CCDC91: variants seen among roughly 807,000 people sequenced by gnomAD.
CCDC91 encodes coiled-coil domain containing 91.
Under a neutral mutation model 63.2 loss-of-function variants are expected in CCDC91, and 48 were observed. The observed-to-expected ratio is 0.76, with a 90% confidence interval of 0.60 to 0.97. CCDC91 has a LOEUF of 0.97. Ranked by LOEUF, CCDC91 falls within the 50% of genes least tolerant of loss-of-function variation. CCDC91 has a pLI of 0.00. For synonymous variants in CCDC91, 167 were observed against 165.8 expected (o/e 1.01, Z -0.06); for missense variants, 500 against 494.6 (o/e 1.01, Z -0.10).
chr12:28,480,222 T>G (rs1343293203), intron 11 of CCDC91, among the ~76,000 whole-genome samples: 2 of 152,006 alleles, frequency 1.3e-5, no homozygotes, highest in African/African-American at 2.4e-5. Context: ...TCAGTCTTCA[T>G]CTTCTTTCCA....
intron 8 of CCDC91, among the ~76,000 whole-genome samples, chr12:28,396,297 A>G (rs1208575117): frequency 6.6e-6 from 1 of 152,146 alleles, no homozygotes; most frequent in Non-Finnish European, 1.5e-5. Flanking sequence ...AAAAATGACT[A>G]TATTTCATAG....
chr12:28,260,337 T>C (rs550094230), intron 3 of CCDC91, among the ~76,000 whole-genome samples: 8 of 152,076 alleles, frequency 5.3e-5, no homozygotes, highest in Admixed American at 2.6e-4. Flanking sequence ...AGGGTGCATA[T>C]AATTTCAATA....
At chr12:28,427,271 G>A (rs973711118) in intron 8 of CCDC91, among the ~76,000 whole-genome samples, 1 of 152,078 alleles carries the variant, frequency 6.6e-6, no homozygotes, top group African/African-American at 2.4e-5. Flanking sequence ...TCTTGATAAT[G>A]CCCTGACCCT....
In CCDC91 at chr12:28,364,345, G is replaced by A. The variant is rs150118320; in HGVS notation, c.654+1830G>A. ...GGAGGTTGCAGTGAGCCGAGATTGC[G>A]CCATTGCACTCCTGCCTAGGTGACA... is the stretch of plus-strand genomic sequence containing the variant. On this transcript the variant is annotated intron_variant, in intron 7 of 12. Transcript: ENST00000536442. Among the ~76,000 whole-genome samples, 414 of 152,160 alleles carry A rather than the reference G, an allele frequency of 2.7e-3. 2 individuals carry two copies. Among genetic ancestry groups the A allele is most frequent in the Non-Finnish European group, 4.5e-3 (308 of 67,988 alleles).
At chr12:28,397,246 C>G (rs1298540115) in intron 8 of CCDC91, among the ~76,000 whole-genome samples, 1 of 152,070 alleles carries the variant, frequency 6.6e-6, no homozygotes, top group Non-Finnish European at 1.5e-5. Context: ...AAGAAAGTAT[C>G]ACTAACAAGA....
chr12:28,328,058 A>G (rs1437585769), intron 6 of CCDC91, among the ~76,000 whole-genome samples: 11 of 152,156 alleles, frequency 7.2e-5, no homozygotes, highest in Admixed American at 7.2e-4. Flanking sequence ...CTGAAATTTA[A>G]CTTTTAAATT....
rs78564714 is a variant in CCDC91, at chr12:28,242,216, A to G, written c.-14-14986A>G. ...ATGATGCTTATAATGGGCCTTTCAC[A>G]GGATACTTCTTTATCCCTGTGGACA... On this transcript the variant is annotated intron_variant, in intron 1 of 12. Coordinates refer to ENST00000536442, the MANE Select transcript of CCDC91 (RefSeq NM_018318.5). 5.7e-3 allele frequency among the ~76,000 whole-genome samples: 865 copies of G among 152,208 alleles called. 13 individuals carry two copies. Among genetic ancestry groups the G allele is most frequent in the African/African-American group, 0.02 (835 of 41,524 alleles).
At chr12:28,524,961 A>T (rs114144874) in intron 12 of CCDC91, among the ~76,000 whole-genome samples, 1 of 152,088 alleles carries the variant, frequency 6.6e-6, no homozygotes, top group South Asian at 2.1e-4. Context: ...TTCATTTCTA[A>T]TTGAGCTTAG....
At chr12:28,306,300 ATTTT>A (rs780869232) in intron 4 of CCDC91, among the ~76,000 whole-genome samples, 4 of 152,070 alleles carry the variant, frequency 2.6e-5, no homozygotes, top group Non-Finnish European at 4.4e-5. Flanking sequence ...GCTGTACACA[ATTTT>A]GAGTCACCTG....
At chr12:28,530,207 A>G (rs1252475558) in intron 12 of CCDC91, among the ~76,000 whole-genome samples, 1 of 152,184 alleles carries the variant, frequency 6.6e-6, no homozygotes, top group Non-Finnish European at 1.5e-5. Flanking sequence ...ATAAAAAGCA[A>G]TAAGGCTTCT....
At chr12:28,319,916 A>T (rs1940305744) in intron 6 of CCDC91, among the ~76,000 whole-genome samples, 1 of 151,898 alleles carries the variant, frequency 6.6e-6, no homozygotes, top group South Asian at 2.1e-4. Context: ...CAGTACCTAC[A>T]GATGCAGAGG....
intron 8 of CCDC91, among the ~76,000 whole-genome samples, chr12:28,417,641 ACACAC>A (rs1302311665): frequency 1.6e-4 from 16 of 98,570 alleles, no homozygotes; most frequent in South Asian, 4.2e-4. Flanking sequence ...ATATATATAT[ACACAC>A]ACACACACAT....
intron 3 of CCDC91, among the ~76,000 whole-genome samples, chr12:28,274,906 C>T (rs1258551298): frequency 3.3e-5 from 5 of 151,792 alleles, no homozygotes; most frequent in South Asian, 4.1e-4. Flanking sequence ...GAGAGGGCAT[C>T]CCCTTTGAAA....
intron 3 of CCDC91, among the ~76,000 whole-genome samples, chr12:28,291,761 A>T (rs1172740010): frequency 1.3e-5 from 2 of 152,204 alleles, no homozygotes. Context: ...CGCTCAGCTC[A>T]TGAGGCACCC....
intron 1 of CCDC91, among the ~76,000 whole-genome samples, chr12:28,253,653 GT>G (rs1946265010): frequency 1.3e-5 from 2 of 152,040 alleles, no homozygotes; most frequent in African/African-American, 4.8e-5. Flanking sequence ...ATTTCTTGTA[GT>G]TTTCTCATTT....
chr12:28,273,669 C>T lies in CCDC91; in HGVS notation c.109+14227C>T, dbSNP rs562951153. ...AGAAGTGTCTGTTCATATCCTTCGC[C>T]CACTTTTTGATGGGGTTGTTTGTTT... On this transcript the variant is annotated intron_variant, in intron 3 of 12. Transcript: ENST00000536442. 6.6e-5 allele frequency among the ~76,000 whole-genome samples: 10 copies of T among 152,134 alleles called. No individual in the cohort carries two copies. In the East Asian group the frequency reaches 1.7e-3, roughly 26 times the overall value.
At chr12:28,296,792 C>T (rs1051375043) in intron 3 of CCDC91, among the ~76,000 whole-genome samples, 4 of 151,784 alleles carry the variant, frequency 2.6e-5, no homozygotes, top group Non-Finnish European at 4.4e-5. Context: ...GTAACATCTT[C>T]ATATTTAGAT....
At chr12:28,398,231 T>C (rs1743493439) in intron 8 of CCDC91, among the ~76,000 whole-genome samples, 1 of 152,142 alleles carries the variant, frequency 6.6e-6, no homozygotes, top group Non-Finnish European at 1.5e-5. Flanking sequence ...ATAGTCTGTC[T>C]ATTGATTTGT....
chr12:28,222,980 C>T (rs1413029051), intron 1 of CCDC91, among the ~76,000 whole-genome samples: 1 of 152,070 alleles, frequency 6.6e-6, no homozygotes, highest in Non-Finnish European at 1.5e-5. Context: ...TTCCATTCTT[C>T]TTATTTCTTC....
Sources: allele counts gnomAD v4.1 joint callset (sites outside exome capture counted in the v4.1 genomes callset), GRCh38; gene constraint gnomAD v4.1.1; transcripts MANE v1.5; gene names NCBI Gene and HGNC (gene_info 2026-07-23, HGNC 2026-07-21).